CARD9: variants seen among roughly 807,000 people sequenced by gnomAD.
The protein encoded by CARD9 is caspase recruitment domain-containing protein 9.
In CARD9, 53 loss-of-function variants were observed where a neutral mutation model predicts 66.0. The ratio of observed to expected loss-of-function variants is 0.80; its 90% confidence interval spans 0.64 to 1.01. The LOEUF is 1.01. CARD9 is among the 50% of genes least tolerant of loss of function. CARD9 has a pLI of 0.00. For synonymous variants in CARD9, 387 were observed against 313.8 expected (o/e 1.23, Z -2.47); for missense variants, 769 against 743.2 (o/e 1.03, Z -0.40).
chr9:136,370,231 G>C lies in CARD9; in HGVS notation c.951+63C>G. 1.9e-6 allele frequency: 3 copies of C among 1,570,954 alleles called. No individual in the cohort carries two copies. In the South Asian group the frequency reaches 3.4e-5, roughly 18 times the overall value. ...CCACCTTCCAGGCACGGAGTGGGCG[G>C]AGCTCAGCCCGTCCAGCCTGGCTTG... On this transcript the variant is annotated intron_variant, in intron 6 of 12. Coordinates refer to ENST00000371732, the MANE Select transcript of CARD9 (RefSeq NM_052813.5).
intron 2 of CARD9, 58 bp from the exon 3 acceptor site, chr9:136,371,519 T>C: frequency 2.7e-6 from 1 of 365,228 alleles, no homozygotes; most frequent in Non-Finnish European, 4.6e-6. Context: ...AGGGCTGGGG[T>C]GGGTGGGCCT....
chr9:136,369,689 C>T (rs1051016449), intron 7 of CARD9, 61 bp downstream of exon 7: 81 of 1,546,404 alleles, frequency 5.2e-5, no homozygotes, highest in Middle Eastern at 1.7e-4. Flanking sequence ...CCTCAAGGGC[C>T]GTGGCCCTGG....
At chr9:136,371,526 G>GCGCC in intron 2 of CARD9, 65 bp from the exon 3 acceptor site, 1 of 516,030 alleles carries the variant, frequency 1.9e-6, no homozygotes, top group Non-Finnish European at 3.6e-6. Context: ...GGGTGGGTGG[G>GCGCC]CCTGGGGGCA....
At chr9:136,371,203 C>T (rs77705255) in intron 3 of CARD9, 58 bp from the exon 4 acceptor site, 25 of 1,600,040 alleles carry the variant, frequency 1.6e-5, no homozygotes, top group African/African-American at 6.7e-5. Flanking sequence ...AGCTCCATCA[C>T]GCCCTGCGCT....
chr9:136,369,198 C>T (rs553955863), intron 7 of CARD9, among the ~76,000 whole-genome samples: 77 of 152,264 alleles, frequency 5.1e-4, no homozygotes, highest in Middle Eastern at 3.4e-3. Flanking sequence ...TCAAGTGATC[C>T]GCCCGCCTCA....
chr9:136,371,802 G>A, intron 2 of CARD9, 93 bp downstream of exon 2: 1 of 1,525,088 alleles, frequency 6.6e-7, no homozygotes, highest in Non-Finnish European at 8.9e-7. Flanking sequence ...GGGCTCTCCT[G>A]GGGTTGAGGG....
In CARD9 at chr9:136,367,321, G is replaced by C. The variant is rs547264907; in HGVS notation, c.1270-64C>G. ...CAGAGGGCTCCCCAGGCACAGGGTG[G>C]GCAGGGCACAGAGCGGGATCCTCCA... On this transcript the variant is annotated intron_variant, in intron 8 of 12. Coordinates refer to ENST00000371732, the MANE Select transcript of CARD9 (RefSeq NM_052813.5). The C allele has an allele frequency of 3.8e-6, 6 of 1,562,848 alleles. No individual in the cohort carries two copies. In the East Asian group the frequency reaches 6.8e-5, roughly 18 times the overall value.
rs1367526605 is a variant in CARD9, at chr9:136,365,123, A to C, written c.1434+18T>G. ...TGAGGCCCACGGCTGGGAGGACCCC[A>C]CCCCGGGGAAGCCTTACATGGGGGT... On this transcript the variant is annotated intron_variant, in intron 11 of 12. Transcript: ENST00000371732. The C allele has an allele frequency of 6.2e-7, 1 of 1,609,986 alleles. No homozygotes were observed.
At position 136,370,864 on chromosome 9, in the gene CARD9, G is replaced by T; in HGVS notation, c.604C>A (p.Arg202=). Residue 202 remains arginine (R), a synonymous_variant, in exon 4 of 13, where the codon CGG becomes AGG. Coordinates refer to ENST00000371732, the MANE Select transcript of CARD9 (RefSeq NM_052813.5). ...ACCTCCAGCTGCAGGTCACGGTTCC[G>T]CATGAGCGCGGCGCCCTTCTCCTCA... The part of the protein sequence containing the change: ...QSEEKGAALM[R]NRDLQLEIDQ... The T allele has an allele frequency of 1.2e-6, 2 of 1,600,244 alleles. No homozygotes were observed. Among genetic ancestry groups the T allele is most frequent in the South Asian group, 2.2e-5 (2 of 90,326 alleles).
chr9:136,364,570 G>GTT lies in CARD9; in HGVS notation c.1435-12_1435-11insAA. ...GCTCAGGCCTGCGTCCTGGAGAAGG[G>GTT]GGAAGGCTCGGGCTCCGGCCGGCTC... On this transcript the variant is annotated splice_polypyrimidine_tract_variant and intron_variant, in intron 11 of 12. Coordinates refer to ENST00000371732, the MANE Select transcript of CARD9 (RefSeq NM_052813.5). 6.5e-7 allele frequency: 1 copy of GTT among 1,535,888 alleles called. No individual in the cohort carries two copies.
Position 136,371,055 on chromosome 9 carries a change from C to G in CARD9, c.413G>C (p.Ser138Thr). 1 of 1,612,646 alleles carries G rather than the reference C, an allele frequency of 6.2e-7. No individual in the cohort carries two copies. Among genetic ancestry groups the G allele is most frequent in the Non-Finnish European group, 8.5e-7 (1 of 1,179,908 alleles). The change falls in exon 4 of 13, where the codon AGC (serine) becomes ACC (threonine). Residue 138 changes from serine to threonine, a missense_variant. Ser to Thr is a moderately conservative substitution (Grantham distance 58, BLOSUM62 1). Transcript: ENST00000371732. ...KKVQDLTALLSSKDDFIKELR... is the reference protein window; with the variant it reads ...KKVQDLTALLTSKDDFIKELR... ...CTCCTTGATGAAGTCATCTTTGGAG[C>G]TCAGCAGCGCGGTCAGGTCCTGCAC...
chr9:136,370,852 G>C lies in CARD9; in HGVS notation c.616C>G (p.Leu206Val). The change falls in exon 4 of 13, where the codon CTG (leucine) becomes GTG (valine). Residue 206 changes from leucine (L) to valine (V), a missense_variant. By Grantham distance (32) the Leu-to-Val change is conservative. Coordinates refer to ENST00000371732, the MANE Select transcript of CARD9 (RefSeq NM_052813.5). ...KGAALMRNRDLQLEIDQLKHS... is the reference protein window; with the variant it reads ...KGAALMRNRDVQLEIDQLKHS... ...GGCAGCGGGCGCACCTCCAGCTGCA[G>C]GTCACGGTTCCGCATGAGCGCGGCG... The C allele has an allele frequency of 6.3e-7, 1 of 1,597,028 alleles. No individual in the cohort carries two copies. The highest frequency in any genetic ancestry group is 8.6e-7 in the Non-Finnish European group (1 of 1,169,394).
At chr9:136,364,920 C>T (rs1833083128) in intron 11 of CARD9, 2 of 598,484 alleles carry the variant, frequency 3.3e-6, no homozygotes, top group Admixed American at 3.0e-5. Context: ...GGCACATCCA[C>T]GTCCAAAAAG....
At chr9:136,364,630 A>G (rs1399033731) in intron 11 of CARD9, 71 bp from the exon 12 acceptor site, 2 of 1,441,400 alleles carry the variant, frequency 1.4e-6, no homozygotes, top group African/African-American at 2.8e-5. Context: ...CCCGCCCCCC[A>G]CTGGCCCCTG....
rs559114246 is a variant in CARD9, at chr9:136,367,643, G to C, written c.1263C>G (p.Leu421=). The change falls in exon 8 of 13, where the codon CTC becomes CTG. Residue 421 remains leucine (L), a synonymous_variant. Coordinates refer to ENST00000371732, the MANE Select transcript of CARD9 (RefSeq NM_052813.5). Reference sequence around the variant, plus strand: ...CCGCAGGCCCCAGGCCCACCAGGACGAGCGTCTCCAGCTGCTGCCGCCTGA... The same window carrying C: ...CCGCAGGCCCCAGGCCCACCAGGACCAGCGTCTCCAGCTGCTGCCGCCTGA... ...GRLRRQQLET[L]VLSSDLEDGS... 5 of 1,585,958 alleles carry C rather than the reference G, an allele frequency of 3.2e-6. No individual in the cohort carries two copies. The highest frequency in any genetic ancestry group is 4.3e-6 in the Non-Finnish European group (5 of 1,172,562).
chr9:136,372,023 A>T lies in CARD9; in HGVS notation c.56T>A (p.Val19Glu), dbSNP rs773760350. ...ECWSVLEGFR[V>E]TLTSVIDPSR... ...GGGGTCGATGACCGAGGTGAGCGTCACCCGGAAGCCCTCCAGGACGCTCCA... is the reference window on the plus strand; with the variant it reads ...GGGGTCGATGACCGAGGTGAGCGTCTCCCGGAAGCCCTCCAGGACGCTCCA... The change falls in exon 2 of 13, where the codon GTG becomes GAG. Residue 19 changes from valine (V) to glutamate (E), a missense_variant. Val to Glu is a moderately radical substitution (Grantham distance 121). Transcript: ENST00000371732. The T allele has an allele frequency of 6.2e-7, 1 of 1,612,760 alleles. No individual in the cohort carries two copies. The highest frequency in any genetic ancestry group is 8.5e-7 in the Non-Finnish European group (1 of 1,179,946).
At chr9:136,372,233 G>C in intron 1 of CARD9, 139 bp from the exon 2 acceptor site, 1 of 1,213,132 alleles carries the variant, frequency 8.2e-7, no homozygotes, top group Non-Finnish European at 1.2e-6. Context: ...TCCAGGAGAG[G>C]TGCCCAGCTC....
intron 12 of CARD9, 24 bp from the exon 13 acceptor site, chr9:136,364,425 G>A: frequency 1.3e-6 from 2 of 1,542,752 alleles, no homozygotes; most frequent in Non-Finnish European, 1.7e-6. Context: ...TGTCTCAGGC[G>A]CGACCCGGCT....
intron 6 of CARD9, 107 bp downstream of exon 6, chr9:136,370,187 G>C: frequency 6.6e-7 from 1 of 1,513,006 alleles, no homozygotes; most frequent in Non-Finnish European, 8.8e-7. Flanking sequence ...TGGAGGCGCT[G>C]CACTGGGGTC....
Sources: allele counts gnomAD v4.1 joint callset (sites outside exome capture counted in the v4.1 genomes callset), GRCh38; gene constraint gnomAD v4.1.1; transcripts MANE v1.5; gene names NCBI Gene and HGNC (gene_info 2026-07-23, HGNC 2026-07-21).